Variants in VIT observed in about 807,000 individuals in gnomAD.
The protein encoded by VIT is vitrin.
In VIT, 99 loss-of-function variants were observed where a neutral mutation model predicts 78.0. That is an observed-to-expected ratio of 1.27 (90% confidence interval 1.08 to 1.50). The LOEUF (loss-of-function observed/expected upper bound fraction) is 1.50. Ranked by LOEUF, VIT falls within the 40% of genes most tolerant of loss-of-function variation. The pLI, the probability that VIT is intolerant of heterozygous loss-of-function variation, is 0.00. For missense variants in VIT, 1,126 were observed against 875.3 expected, an observed-to-expected ratio of 1.29 and a Z score of -3.61; for synonymous variants, 374 against 334.3, an observed-to-expected ratio of 1.12 and a Z score of -1.29.
chr2:36,800,068 C>G (rs368623783), intron 12 of VIT, among the ~76,000 whole-genome samples: 1 of 148,494 alleles, frequency 6.7e-6, no homozygotes, highest in African/African-American at 2.5e-5. Flanking sequence ...AAAAAATGGC[C>G]GGGCACGGTG....
rs758254203 is a variant in VIT, at chr2:36,814,201, T to C, written c.1922T>C (p.Ile641Thr). 3.1e-6 allele frequency: 5 copies of C among 1,614,144 alleles called. No individual in the cohort carries two copies. Among genetic ancestry groups the C allele is most frequent in the South Asian group, 2.2e-5 (2 of 91,090 alleles). ...AHLKGVITYA[I>T]GVAWAAQEEL... ...CCCACAGGAGTGATCACCTATGCGATAGGCGTTGCCTGGGCTGCCCAAGAG... is the reference window on the plus strand; with the variant it reads ...CCCACAGGAGTGATCACCTATGCGACAGGCGTTGCCTGGGCTGCCCAAGAG... Residue 641 changes from isoleucine to threonine, a missense_variant, in exon 16 of 16, where the codon ATA becomes ACA. By Grantham distance (89) the Ile-to-Thr change is moderately conservative (BLOSUM62 -1). Coordinates refer to ENST00000379242, the MANE Select transcript of VIT (RefSeq NM_053276.4).
At chr2:36,790,512 C>T (rs188288022) in intron 12 of VIT, among the ~76,000 whole-genome samples, 184 of 152,312 alleles carry the variant, frequency 1.2e-3, no homozygotes, top group African/African-American at 4.4e-3. Context: ...CCATAACTCA[C>T]AATCACGTTA....
chr2:36,742,755 G>A (rs1667910716), intron 3 of VIT, among the ~76,000 whole-genome samples: 1 of 152,182 alleles, frequency 6.6e-6, no homozygotes, highest in South Asian at 2.1e-4. Context: ...GCATCTGAAA[G>A]ACCAGTACTC....
Position 36,808,837 on chromosome 2 carries a change from T to C in VIT, c.1755T>C (p.Gly585=), listed in dbSNP as rs780116757. The stretch of plus-strand genomic sequence containing the variant: ...TCAAGAGGGTGGGCTACTGGAGTGG[T>C]GGCACCAGCACGGGGGCTGCCATCA... The part of the protein sequence containing the change: ...NAIKRVGYWS[G]GTSTGAAINF... Residue 585 remains glycine, a synonymous_variant, in exon 15 of 16, where the codon GGT becomes GGC. Coordinates refer to ENST00000379242, the MANE Select transcript of VIT (RefSeq NM_053276.4). The C allele has an allele frequency of 3.1e-6, 5 of 1,614,034 alleles. No homozygotes were observed. Among genetic ancestry groups the C allele is most frequent in the African/African-American group, 2.7e-5 (2 of 74,914 alleles).
chr2:36,806,145 T>C (rs114563960), intron 14 of VIT, among the ~76,000 whole-genome samples: 2,070 of 152,302 alleles, frequency 0.014, 48 homozygotes, highest in African/African-American at 0.047. Flanking sequence ...TCTGTGGAGA[T>C]GCCCAGCAGG....
intron 5 of VIT, 37 bp from the exon 6 acceptor site, chr2:36,758,932 A>G (rs771501471): frequency 1.3e-6 from 2 of 1,576,154 alleles, no homozygotes; most frequent in Non-Finnish European, 8.7e-7. Context: ...CTCTAGCTCT[A>G]GAAATAAATC....
intron 15 of VIT, among the ~76,000 whole-genome samples, chr2:36,810,785 C>T (rs1038266114): frequency 6.6e-6 from 1 of 152,098 alleles, no homozygotes; most frequent in African/African-American, 2.4e-5. Context: ...AGGCACACAC[C>T]ACCACGCCCA....
At chr2:36,802,466 A>G (rs1666400534) in intron 13 of VIT, among the ~76,000 whole-genome samples, 1 of 152,176 alleles carries the variant, frequency 6.6e-6, no homozygotes, top group Admixed American at 6.5e-5. Context: ...CCGATTAAAG[A>G]TTTCCCTTCC....
intron 3 of VIT, among the ~76,000 whole-genome samples, chr2:36,736,389 C>T (rs377541324): frequency 6.6e-6 from 1 of 152,178 alleles, no homozygotes; most frequent in Non-Finnish European, 1.5e-5. Flanking sequence ...CTGTAATAAA[C>T]ACATCATATA....
chr2:36,703,485 T>C (rs1378026198), intron 1 of VIT, among the ~76,000 whole-genome samples: 1 of 152,126 alleles, frequency 6.6e-6, no homozygotes, highest in Non-Finnish European at 1.5e-5. Context: ...TATTTTAACA[T>C]CCCATTACAC....
chr2:36,799,573 C>G (rs1440711766), intron 12 of VIT, among the ~76,000 whole-genome samples: 2 of 152,062 alleles, frequency 1.3e-5, no homozygotes, highest in Non-Finnish European at 2.9e-5. Context: ...AAAAAATTTG[C>G]TGGGTGTGGT....
chr2:36,736,928 T>C (rs1667542601), intron 3 of VIT, among the ~76,000 whole-genome samples: 1 of 152,232 alleles, frequency 6.6e-6, no homozygotes, highest in Non-Finnish European at 1.5e-5. Context: ...GGACTGTCTG[T>C]ATTTACCACG....
intron 15 of VIT, among the ~76,000 whole-genome samples, chr2:36,812,191 G>T (rs1176091823): frequency 6.6e-6 from 1 of 152,096 alleles, no homozygotes; most frequent in Non-Finnish European, 1.5e-5. Flanking sequence ...GGGACTGGCA[G>T]CTTAAATGCA....
intron 13 of VIT, 110 bp from the exon 14 acceptor site, chr2:36,805,326 AAC>A: frequency 8.2e-7 from 1 of 1,217,302 alleles, no homozygotes. Context: ...AAAAAAAAAA[AAC>A]TAGGGAGGGA....
intron 9 of VIT, among the ~76,000 whole-genome samples, chr2:36,777,775 G>A (rs368634956): frequency 4.6e-5 from 7 of 152,108 alleles, no homozygotes; most frequent in East Asian, 1.9e-4. Context: ...CTGAGTATTC[G>A]TTCTGTCATT....
chr2:36,705,350 A>T (rs10490666), intron 1 of VIT, among the ~76,000 whole-genome samples: 38,264 of 152,076 alleles, frequency 0.25, 5,240 homozygotes, highest in Non-Finnish European at 0.31. Context: ...CACTGGCAAT[A>T]TAAGATCTAA....
chr2:36,796,315 A>T (rs367986657), intron 12 of VIT, among the ~76,000 whole-genome samples: 1 of 152,234 alleles, frequency 6.6e-6, no homozygotes, highest in African/African-American at 2.4e-5. Flanking sequence ...ATGTAAAACA[A>T]GGTTATATAT....
In VIT at chr2:36,760,520, C is replaced by T. The variant is rs145693333; in HGVS notation, c.487+1474C>T. On this transcript the variant is annotated intron_variant, in intron 6 of 15. Coordinates refer to ENST00000379242, the MANE Select transcript of VIT (RefSeq NM_053276.4). ...CCGTGAACTGGCAGTGGGTCTGGTG[C>T]CTCGTGGGCCATTTCTGAGATATCG... 1.3e-3 allele frequency among the ~76,000 whole-genome samples: 202 copies of T among 152,246 alleles called. 1 individual carries two copies. Among genetic ancestry groups the T allele is most frequent in the Non-Finnish European group, 2.4e-3 (162 of 68,006 alleles).
At chr2:36,731,596 G>A (rs764117429) in intron 3 of VIT, among the ~76,000 whole-genome samples, 24 of 151,956 alleles carry the variant, frequency 1.6e-4, no homozygotes, top group African/African-American at 5.1e-4. Context: ...AAACATCCAC[G>A]TCCCTTGCTA....
Sources: allele counts gnomAD v4.1 joint callset (sites outside exome capture counted in the v4.1 genomes callset), GRCh38; gene constraint gnomAD v4.1.1; transcripts MANE v1.5; gene names NCBI Gene and HGNC (gene_info 2026-07-23, HGNC 2026-07-21).